Variants in ROBO2 observed in about 807,000 individuals in gnomAD.
ROBO2 encodes the protein roundabout homolog 2.
A neutral mutation model predicts 160.8 loss-of-function variants in ROBO2; 53 were observed. The observed-to-expected ratio is 0.33, with a 90% confidence interval of 0.26 to 0.41. The LOEUF is 0.41. Ranked by LOEUF, ROBO2 falls within the 10% of genes least tolerant of loss-of-function variation. The probability of loss-of-function intolerance (pLI) is 1.00; values close to 1 mark genes in which losing one functional copy is unlikely to be tolerated. For missense variants in ROBO2, 1,577 were observed against 1,722.4 expected (o/e 0.92, Z 1.49); for synonymous variants, 664 against 611.7 (o/e 1.09, Z -1.26).
intron 2 of ROBO2, among the ~76,000 whole-genome samples, chr3:76,198,043 C>G (rs1035852818): frequency 6.6e-6 from 1 of 152,200 alleles, no homozygotes; most frequent in African/African-American, 2.4e-5. Context: ...AGCACCCCAA[C>G]CGACTAAACG....
intron 2 of ROBO2, among the ~76,000 whole-genome samples, chr3:76,871,913 A>G (rs113400107): frequency 0.012 from 1,812 of 152,342 alleles, 28 homozygotes; most frequent in African/African-American, 0.042. Context: ...TAAACCTGGC[A>G]GAAATAATGA....
intron 2 of ROBO2, among the ~76,000 whole-genome samples, chr3:76,323,173 A>C (rs945879750): frequency 6.6e-6 from 1 of 150,968 alleles, no homozygotes; most frequent in South Asian, 2.1e-4. Flanking sequence ...ACACACACAC[A>C]CACCCCTAAA....
chr3:76,506,309 G>T (rs1229579817), intron 2 of ROBO2, among the ~76,000 whole-genome samples: 2 of 152,152 alleles, frequency 1.3e-5, no homozygotes, highest in Admixed American at 1.3e-4. Context: ...TGTGAGGGCT[G>T]CTTTCTGTTT....
At chr3:77,584,823 GT>G (rs1285932379) in intron 16 of ROBO2, among the ~76,000 whole-genome samples, 2 of 151,586 alleles carry the variant, frequency 1.3e-5, no homozygotes, top group Non-Finnish European at 2.9e-5. Flanking sequence ...ACTTACATGT[GT>G]GTGTATTCAT....
intron 2 of ROBO2, among the ~76,000 whole-genome samples, chr3:77,164,104 A>G (rs1424415758): frequency 1.3e-5 from 2 of 152,188 alleles, no homozygotes; most frequent in Admixed American, 6.5e-5. Context: ...ATATTGTGCT[A>G]TAGGTTTGCA....
chr3:76,484,458 A>G (rs1298898969), intron 2 of ROBO2, among the ~76,000 whole-genome samples: 2 of 152,214 alleles, frequency 1.3e-5, no homozygotes, highest in Non-Finnish European at 2.9e-5. Flanking sequence ...CAGTGAGTCC[A>G]CAGTCAAGTG....
In ROBO2 at chr3:76,088,987, A is replaced by G. The variant is rs143104232; in HGVS notation, c.109+151385A>G. ...ATGAGAGAGAGCACACGAATTACCA[A>G]TATCAGAAATGAAAGAGAGGACATC... On this transcript the variant is annotated intron_variant, in intron 2 of 26. Coordinates refer to the ROBO2 transcript ENST00000487694. Among the ~76,000 whole-genome samples the G allele has an allele frequency of 2.3e-3, 346 of 152,138 alleles. 1 individual carries two copies. Among genetic ancestry groups the G allele is most frequent in the Non-Finnish European group, 4.2e-3 (284 of 67,918 alleles).
At chr3:76,218,510 A>G (rs1193016981) in intron 2 of ROBO2, among the ~76,000 whole-genome samples, 1 of 152,188 alleles carries the variant, frequency 6.6e-6, no homozygotes, top group Non-Finnish European at 1.5e-5. Flanking sequence ...GCATTCTTAT[A>G]CACCAATAAC....
intron 2 of ROBO2, among the ~76,000 whole-genome samples, chr3:76,113,490 C>G (rs1251005443): frequency 6.6e-6 from 1 of 152,080 alleles, no homozygotes; most frequent in Non-Finnish European, 1.5e-5. Flanking sequence ...TGAGCAGACT[C>G]TGAGTAACAG....
intron 2 of ROBO2, among the ~76,000 whole-genome samples, chr3:77,208,732 G>A (rs1332315074): frequency 1.3e-5 from 2 of 152,148 alleles, no homozygotes; most frequent in African/African-American, 4.8e-5. Context: ...TTGAAATTTG[G>A]GTTTTAAGAA....
chr3:77,349,048 T>C (rs1340408261), intron 2 of ROBO2, among the ~76,000 whole-genome samples: 2 of 152,252 alleles, frequency 1.3e-5, no homozygotes, highest in East Asian at 3.9e-4. Flanking sequence ...TTCTTCTCAC[T>C]TACCTAACAT....
At chr3:77,451,630 C>T (rs959816526) in intron 2 of ROBO2, among the ~76,000 whole-genome samples, 1 of 151,970 alleles carries the variant, frequency 6.6e-6, no homozygotes, top group African/African-American at 2.4e-5. Flanking sequence ...ACTATTCCAC[C>T]ATTACCAGCC....
chr3:77,552,272 C>T (rs1389076794), intron 8 of ROBO2, among the ~76,000 whole-genome samples: 5 of 151,888 alleles, frequency 3.3e-5, no homozygotes, highest in Admixed American at 1.3e-4. Flanking sequence ...AAGAACACAC[C>T]AAATGTAATG....
rs150245672 is a variant in ROBO2 at position 76,906,485 on chromosome 3, G to A, written c.110-191529G>A. Among the ~76,000 whole-genome samples, 894 of 151,414 alleles carry A rather than the reference G, an allele frequency of 5.9e-3. 8 individuals carry two copies. The highest frequency in any genetic ancestry group is 0.02 in the African/African-American group (823 of 41,314). On this transcript the variant is annotated intron_variant, in intron 2 of 26. Coordinates refer to the ROBO2 transcript ENST00000487694. Reference sequence around the variant, plus strand: ...TACATAACTGACAATTAATTTATTCGGTGGTATCTGATAATAATAATTATT... The same window carrying A: ...TACATAACTGACAATTAATTTATTCAGTGGTATCTGATAATAATAATTATT...
intron 2 of ROBO2, among the ~76,000 whole-genome samples, chr3:77,469,285 T>A (rs1394008896): frequency 6.6e-6 from 1 of 152,204 alleles, no homozygotes; most frequent in African/African-American, 2.4e-5. Context: ...CAGATTTTTT[T>A]ACACTTTGTA....
intron 2 of ROBO2, among the ~76,000 whole-genome samples, chr3:76,242,456 T>A (rs1199376072): frequency 1.3e-5 from 2 of 152,194 alleles, no homozygotes; most frequent in Non-Finnish European, 2.9e-5. Context: ...AGCTTCCTGG[T>A]AGAATCAGGG....
At chr3:76,812,100 C>G (rs1318051939) in intron 2 of ROBO2, among the ~76,000 whole-genome samples, 6 of 151,752 alleles carry the variant, frequency 4.0e-5, no homozygotes, top group African/African-American at 1.5e-4. Flanking sequence ...GTCTTGATCT[C>G]TGGACCTCAT....
intron 7 of ROBO2, 52 bp downstream of exon 8, chr3:77,546,514 C>G (rs776202245): frequency 6.2e-7 from 1 of 1,605,974 alleles, no homozygotes; most frequent in Non-Finnish European, 8.5e-7. Context: ...TCTACTGTCT[C>G]TGCTGCTCCT....
chr3:77,427,205 G>A (rs1278545985), intron 2 of ROBO2, among the ~76,000 whole-genome samples: 1 of 152,170 alleles, frequency 6.6e-6, no homozygotes, highest in Non-Finnish European at 1.5e-5. Context: ...CTCTCTTGCC[G>A]CTGATCCTGA....
Sources: gnomAD v4.1 joint callset for allele counts (sites outside exome capture counted in the v4.1 genomes callset) on GRCh38, gnomAD v4.1.1 for gene constraint, MANE v1.5 for transcripts, NCBI Gene and HGNC (gene_info 2026-07-23, HGNC 2026-07-21) for gene names.